SPATS2L: variants seen among roughly 807,000 people sequenced by gnomAD.
SPATS2L encodes SPATS2-like protein.
Under a neutral mutation model 59.6 loss-of-function variants are expected in SPATS2L, and 30 were observed. The observed-to-expected ratio is 0.50, with a 90% CI of 0.38 to 0.68. The LOEUF is 0.68. Among genes scored for constraint, SPATS2L ranks in the 30% least tolerant of loss-of-function variants. The probability of loss-of-function intolerance (pLI) is 0.00; values close to 1 mark genes in which losing one functional copy is unlikely to be tolerated. For missense variants in SPATS2L, 615 were observed against 700.0 expected (o/e 0.88, Z 1.37); for synonymous variants, 252 against 263.5 (o/e 0.96, Z 0.42).
chr2:200,322,121 G>A (rs749069501), intron 1 of SPATS2L, among the ~76,000 whole-genome samples: 3 of 152,208 alleles, frequency 2.0e-5, no homozygotes, highest in South Asian at 2.1e-4. Flanking sequence ...TACCTCTTGC[G>A]TGTGTGTATT....
Position 200,328,606 on chromosome 2 carries a change from G to A in SPATS2L, c.-72-825G>A, listed in dbSNP as rs551640750. ...CCCTTCTTTCCAGTGCCTCCCTCGC[G>A]GTTGTTCTCCAGTCATTTTGTGGAG... On this transcript the variant is annotated intron_variant, in intron 1 of 12. Transcript: ENST00000409140. Among the ~76,000 whole-genome samples the A allele has an allele frequency of 1.2e-4, 19 of 152,260 alleles. 1 individual carries two copies. Among genetic ancestry groups the A allele is most frequent in the African/African-American group, 4.3e-4 (18 of 41,566 alleles).
chr2:200,405,381 C>CAAA (rs5837736), intron 3 of SPATS2L, among the ~76,000 whole-genome samples: 28 of 145,918 alleles, frequency 1.9e-4, no homozygotes, highest in African/African-American at 7.0e-4. Context: ...GGTTTCCTGC[C>CAAA]AAAAAAAAAA....
chr2:200,370,449 A>G (rs534543365), intron 2 of SPATS2L, among the ~76,000 whole-genome samples: 1 of 152,356 alleles, frequency 6.6e-6, no homozygotes, highest in Admixed American at 6.5e-5. Context: ...ATTCACAACT[A>G]GGTTTGCATA....
intron 2 of SPATS2L, among the ~76,000 whole-genome samples, chr2:200,366,272 C>T (rs1189393601): frequency 6.6e-6 from 1 of 152,196 alleles, no homozygotes; most frequent in Non-Finnish European, 1.5e-5. Context: ...TAACAGTCAA[C>T]AGATTCATAC....
chr2:200,378,962 G>A (rs928692018), intron 2 of SPATS2L, among the ~76,000 whole-genome samples: 2 of 152,164 alleles, frequency 1.3e-5, no homozygotes, highest in Non-Finnish European at 2.9e-5. Context: ...AACAGCAAGC[G>A]TGCCTCTAAT....
chr2:200,460,979 AT>A, intron 9 of SPATS2L: 1 of 152,370 alleles, frequency 6.6e-6, no homozygotes, highest in East Asian at 2.0e-4. Flanking sequence ...CGCCCAGCTA[AT>A]TTTTTGGGTT....
rs573343687 is a variant in SPATS2L at position 200,448,669 on chromosome 2, C to T, written c.788+7885C>T. 2.6e-5 allele frequency among the ~76,000 whole-genome samples: 4 copies of T among 152,280 alleles called. No individual in the cohort carries two copies. The East Asian group carries it at 7.7e-4, about 29-fold the overall frequency. ...CTTTCTGACTAATCCCTTTCCTTCT[C>T]ATCAAGTAGTTTTTCTAAGTGTTCA... is the stretch of plus-strand genomic sequence containing the variant. On this transcript the variant is annotated intron_variant, in intron 8 of 12. Coordinates refer to ENST00000409140, the MANE Select transcript of SPATS2L (RefSeq NM_001100423.2).
chr2:200,422,865 A>G (rs1278874754), intron 6 of SPATS2L, among the ~76,000 whole-genome samples: 2 of 152,194 alleles, frequency 1.3e-5, no homozygotes, highest in Non-Finnish European at 2.9e-5. Context: ...TTATAGCAAT[A>G]TACTGGCCTC....
chr2:200,416,361 TTC>T lies in SPATS2L; in HGVS notation c.149-16_149-15del. The T allele has an allele frequency of 2.2e-6, 3 of 1,391,682 alleles. No homozygotes were observed. Among genetic ancestry groups the T allele is most frequent in the Non-Finnish European group, 2.9e-6 (3 of 1,037,656 alleles). The allele number at this position is 1,391,682 out of a possible 1,614,324, so 86.2% of individuals were successfully genotyped here. On this transcript the variant is annotated splice_polypyrimidine_tract_variant and intron_variant, in intron 4 of 12. Transcript: ENST00000409140. The stretch of plus-strand genomic sequence containing the variant: ...TTATGATGTGAATATTTGTTGAAGA[TTC>T]TTTGTCTTTATCTAGGCAGTGCAAT...
At position 200,336,619 on chromosome 2, in the gene SPATS2L, A is replaced by T. The variant is rs530736981; in HGVS notation, c.-23+7139A>T. ...TGTATCACAGCCATTTCTAAAACAGATGTGTACTGCTGTTCCTCACACCAA... is the reference window on the plus strand; with the variant it reads ...TGTATCACAGCCATTTCTAAAACAGTTGTGTACTGCTGTTCCTCACACCAA... On this transcript the variant is annotated intron_variant, in intron 2 of 12. Coordinates refer to ENST00000409140, the MANE Select transcript of SPATS2L (RefSeq NM_001100423.2). Among the ~76,000 whole-genome samples, 7 of 152,274 alleles carry T rather than the reference A, an allele frequency of 4.6e-5. No homozygotes were observed. In the South Asian group the frequency reaches 1.2e-3, roughly 27 times the overall value.
At chr2:200,408,454 AT>A (rs982944550) in intron 3 of SPATS2L, among the ~76,000 whole-genome samples, 6 of 152,192 alleles carry the variant, frequency 3.9e-5, no homozygotes, top group Non-Finnish European at 8.8e-5. Context: ...CAGTTATTTT[AT>A]GTTTATTTGA....
At chr2:200,387,821 CTGTT>C (rs2082038911) in intron 2 of SPATS2L, among the ~76,000 whole-genome samples, 2 of 152,180 alleles carry the variant, frequency 1.3e-5, no homozygotes, top group Admixed American at 1.3e-4. Context: ...CTGAATCAAT[CTGTT>C]TGTGCATTTA....
intron 2 of SPATS2L, among the ~76,000 whole-genome samples, chr2:200,379,525 C>A (rs1359342500): frequency 6.6e-6 from 1 of 152,066 alleles, no homozygotes; most frequent in African/African-American, 2.4e-5. Context: ...GTAGGAATTG[C>A]CCATAGCTAA....
intron 3 of SPATS2L, among the ~76,000 whole-genome samples, chr2:200,411,000 G>A (rs932037244): frequency 2.7e-5 from 4 of 148,840 alleles, no homozygotes; most frequent in Non-Finnish European, 5.9e-5. Flanking sequence ...GTATGTGTGT[G>A]ACTCACACAC....
chr2:200,446,882 C>A (rs2106133394), intron 8 of SPATS2L, among the ~76,000 whole-genome samples: 1 of 152,304 alleles, frequency 6.6e-6, no homozygotes, highest in Non-Finnish European at 1.5e-5. Flanking sequence ...GAAACGTAAA[C>A]CCTCTCACTA....
intron 9 of SPATS2L, among the ~76,000 whole-genome samples, chr2:200,465,114 C>A (rs1200298845): frequency 6.6e-6 from 1 of 152,202 alleles, no homozygotes; most frequent in Non-Finnish European, 1.5e-5. Flanking sequence ...GCAGTTCACA[C>A]CGTAGTCCCG....
intron 1 of SPATS2L, among the ~76,000 whole-genome samples, chr2:200,313,271 G>A (rs1397393507): frequency 6.6e-6 from 1 of 152,160 alleles, no homozygotes; most frequent in East Asian, 1.9e-4. Flanking sequence ...TGAAAGGCTT[G>A]GTAATCTACC....
At chr2:200,330,503 A>G (rs893943166) in intron 2 of SPATS2L, among the ~76,000 whole-genome samples, 3 of 152,240 alleles carry the variant, frequency 2.0e-5, no homozygotes, top group Non-Finnish European at 2.9e-5. Flanking sequence ...GAGAATTAAT[A>G]TAGAAACAAC....
intron 8 of SPATS2L, among the ~76,000 whole-genome samples, chr2:200,457,854 A>G (rs1479215058): frequency 6.6e-6 from 1 of 152,230 alleles, no homozygotes; most frequent in Non-Finnish European, 1.5e-5. Flanking sequence ...TCTTACTTTG[A>G]CAAATACTGC....
Sources: gnomAD v4.1 joint callset for allele counts (sites outside exome capture counted in the v4.1 genomes callset) on GRCh38, gnomAD v4.1.1 for gene constraint, MANE v1.5 for transcripts, NCBI Gene and HGNC (gene_info 2026-07-23, HGNC 2026-07-21) for gene names.